Variants in HADHB observed in about 807,000 individuals in gnomAD.
HADHB encodes hydroxyacyl-CoA dehydrogenase trifunctional multienzyme complex subunit beta, also known as trifunctional enzyme subunit beta, mitochondrial.
Under a neutral mutation model 61.9 loss-of-function variants are expected in HADHB, and 50 were observed. That is an observed-to-expected ratio of 0.81 (90% CI 0.64 to 1.02). HADHB has a LOEUF of 1.02. Among genes scored for constraint, HADHB ranks in the 50% least tolerant of loss-of-function variants. HADHB has a pLI of 0.00. For missense variants in HADHB, 504 were observed against 586.5 expected (o/e 0.86, Z 1.45); for synonymous variants, 191 against 201.6 (o/e 0.95, Z 0.45).
chr2:26,246,943 G>A (rs1046012604), intron 1 of HADHB, among the ~76,000 whole-genome samples: 2 of 152,122 alleles, frequency 1.3e-5, no homozygotes, highest in Admixed American at 6.5e-5. Context: ...TGTGCACGTG[G>A]GTGTGCGTGC....
intron 6 of HADHB, among the ~76,000 whole-genome samples, chr2:26,274,918 T>C (rs1056135041): frequency 6.6e-6 from 1 of 152,190 alleles, no homozygotes; most frequent in Non-Finnish European, 1.5e-5. Context: ...CCATTTTCTC[T>C]GTAATTCAGT....
chr2:26,264,819 C>G (rs916183062), intron 4 of HADHB, among the ~76,000 whole-genome samples: 1 of 151,856 alleles, frequency 6.6e-6, no homozygotes, highest in Non-Finnish European at 1.5e-5. Context: ...TGGCAAAACC[C>G]TGTCTCTACT....
At chr2:26,248,129 A>G (rs1671237505) in intron 1 of HADHB, among the ~76,000 whole-genome samples, 1 of 152,148 alleles carries the variant, frequency 6.6e-6, no homozygotes, top group South Asian at 2.1e-4. Flanking sequence ...CAGTTATTCT[A>G]ATCTATTATT....
At chr2:26,282,251 CTTTTT>C (rs67626722) in intron 10 of HADHB, among the ~76,000 whole-genome samples, 1 of 106,866 alleles carries the variant, frequency 9.4e-6, no homozygotes. Flanking sequence ...GCAGTTCTTT[CTTTTT>C]TTTTTTTTTT....
intron 5 of HADHB, among the ~76,000 whole-genome samples, chr2:26,273,263 A>ATT: frequency 6.6e-6 from 1 of 151,850 alleles, no homozygotes; most frequent in African/African-American, 2.4e-5. Context: ...TTTTTTTTTA[A>ATT]TTTTTTTTAA....
In HADHB at chr2:26,265,892, C is replaced by G. The variant is rs183028455; in HGVS notation, c.209+2413C>G. 1.1e-3 allele frequency among the ~76,000 whole-genome samples: 170 copies of G among 151,970 alleles called. 1 individual carries two copies. Among genetic ancestry groups the G allele is most frequent in the African/African-American group, 3.9e-3 (163 of 41,462 alleles). On this transcript the variant is annotated intron_variant, in intron 4 of 15. Transcript: ENST00000317799. ...TTTAAGGCAATATTCATGTAAAGAA[C>G]AAAAGTCACTAAAAAATAACATTAG... is the stretch of plus-strand genomic sequence containing the variant.
rs121913133 is a variant in HADHB at position 26,279,244 on chromosome 2, G to T, written c.740G>T (p.Arg247Leu). The T allele has an allele frequency of 3.7e-6, 6 of 1,612,978 alleles. No individual in the cohort carries two copies. The highest frequency in any genetic ancestry group is 5.1e-6 in the Non-Finnish European group (6 of 1,179,176). Residue 247 changes from arginine (R) to leucine (L), a missense_variant, in exon 9 of 16, where the codon CGC becomes CTC. Coordinates refer to ENST00000317799, the MANE Select transcript of HADHB (RefSeq NM_000183.3). Reference sequence around the variant, plus strand: ...CTGGAACAGGATGAATATGCACTGCGCTCTCACAGTCTAGCCAAGAAGGCA... The same window carrying T: ...CTGGAACAGGATGAATATGCACTGCTCTCTCACAGTCTAGCCAAGAAGGCA... ...SRLEQDEYAL[R>L]SHSLAKKAQD...
At chr2:26,260,912 C>T in intron 3 of HADHB, 2 of 741,126 alleles carry the variant, frequency 2.7e-6, no homozygotes, top group Non-Finnish European at 4.6e-6. Context: ...TTACCATCAA[C>T]CTGTTCTTCC....
rs138696018 is a variant in HADHB, at chr2:26,278,731, A to G, written c.560A>G (p.Asn187Ser). 127 of 1,614,132 alleles carry G rather than the reference A, an allele frequency of 7.9e-5. No individual in the cohort carries two copies. In the African/African-American group the frequency reaches 1.0e-3, roughly 13 times the overall value. Residue 187 changes from asparagine (N) to serine (S), a missense_variant, in exon 8 of 16, where the codon AAT (asparagine) becomes AGT (serine). Physicochemically the swap from Asn to Ser is conservative, Grantham distance 46. Transcript: ENST00000317799. Reference sequence around the variant, plus strand: ...ATGAGAAAACTGATGCTTGATCTCAATAAGGCCAAATCTATGGGCCAGCGA... The same window carrying G: ...ATGAGAAAACTGATGCTTGATCTCAGTAAGGCCAAATCTATGGGCCAGCGA... ...RKMRKLMLDL[N>S]KAKSMGQRLS...
intron 4 of HADHB, among the ~76,000 whole-genome samples, chr2:26,269,483 G>T (rs1186206477): frequency 2.0e-5 from 3 of 152,180 alleles, no homozygotes; most frequent in African/African-American, 7.2e-5. Context: ...TTCTAGGTGT[G>T]AGCCACCATG....
At chr2:26,278,823 C>T in intron 8 of HADHB, 22 bp downstream of exon 8, 2 of 1,580,712 alleles carry the variant, frequency 1.3e-6, no homozygotes, top group Non-Finnish European at 1.7e-6. Flanking sequence ...GTTTGCAGGG[C>T]ATCCCACTGC....
intron 10 of HADHB, 62 bp downstream of exon 10, chr2:26,280,177 A>C: frequency 3.7e-6 from 5 of 1,345,740 alleles, no homozygotes; most frequent in Middle Eastern, 1.8e-4. Context: ...CTCTGTAGAA[A>C]AGCCTAATAT....
chr2:26,263,259 A>G (rs1172136412), intron 3 of HADHB, 121 bp from the exon 4 acceptor site: 2 of 621,718 alleles, frequency 3.2e-6, no homozygotes, highest in Admixed American at 5.1e-5. Context: ...AGATCACGCC[A>G]TTGCACTCCA....
At position 26,280,086 on chromosome 2, in the gene HADHB, A is replaced by G; in HGVS notation, c.904A>G (p.Thr302Ala). ...LKPAFIKPYGTVTAANSSFLT... is the reference protein window; with the variant it reads ...LKPAFIKPYGAVTAANSSFLT... ...ACCTGCATTCATCAAGCCCTACGGC[A>G]CAGTGACAGCTGCAAATTCTTCTTT... Residue 302 changes from threonine to alanine, a missense_variant, in exon 10 of 16, where the codon ACA (threonine) becomes GCA (alanine). Transcript: ENST00000317799. 2.5e-6 allele frequency: 4 copies of G among 1,612,806 alleles called. No homozygotes were observed. The highest frequency in any genetic ancestry group is 3.4e-6 in the Non-Finnish European group (4 of 1,178,888).
At chr2:26,261,294 A>G in intron 3 of HADHB, 2 of 456,734 alleles carry the variant, frequency 4.4e-6, no homozygotes, top group South Asian at 7.6e-5. Context: ...AAAGAAATAG[A>G]GGGGGCTGTG....
chr2:26,280,517 A>C lies in HADHB; in HGVS notation c.933+402A>C, dbSNP rs555590595. On this transcript the variant is annotated intron_variant, in intron 10 of 15. Transcript: ENST00000317799. ...TGGAAGAGGTAACACTTGAGCAGCA[A>C]ATCTTGAAGGAAGAGTAAAAGCCAA... Among the ~76,000 whole-genome samples, 4 of 152,328 alleles carry C rather than the reference A, an allele frequency of 2.6e-5. No individual in the cohort carries two copies. The East Asian group carries it at 7.7e-4, about 29-fold the overall frequency.
At chr2:26,262,139 G>A (rs1298437507) in intron 3 of HADHB, among the ~76,000 whole-genome samples, 1 of 152,100 alleles carries the variant, frequency 6.6e-6, no homozygotes, top group Non-Finnish European at 1.5e-5. Flanking sequence ...TTTAAAGTTG[G>A]TTGTAGATGT....
rs560768576 is a variant in HADHB, at chr2:26,277,818, TTC to T, written c.442+659_442+660del. On this transcript the variant is annotated intron_variant, in intron 7 of 15. Transcript: ENST00000317799. ...CCTGCCAGGCTTTCAACCTAGGTGCTTCAGATATGATATTTTCCCACAAAGAT... is the reference window on the plus strand; with the variant it reads ...CCTGCCAGGCTTTCAACCTAGGTGCTAGATATGATATTTTCCCACAAAGAT... Among the ~76,000 whole-genome samples the T allele has an allele frequency of 4.0e-3, 611 of 152,320 alleles. 4 individuals carry two copies. Among genetic ancestry groups the T allele is most frequent in the African/African-American group, 0.014 (590 of 41,570 alleles).
chr2:26,246,428 C>T (rs1671163642), intron 1 of HADHB, among the ~76,000 whole-genome samples: 1 of 151,682 alleles, frequency 6.6e-6, no homozygotes, highest in Non-Finnish European at 1.5e-5. Context: ...CTGCAGCCTC[C>T]TCCCGGGTTC....
Sources: allele counts gnomAD v4.1 joint callset (sites outside exome capture counted in the v4.1 genomes callset), GRCh38; gene constraint gnomAD v4.1.1; transcripts MANE v1.5; gene names NCBI Gene and HGNC (gene_info 2026-07-23, HGNC 2026-07-21).